Variants in POLD3 observed in about 807,000 individuals in gnomAD.
POLD3 encodes DNA polymerase delta 3, accessory subunit.
A neutral mutation model predicts 58.2 loss-of-function variants in POLD3; 19 were observed. That is an observed-to-expected ratio of 0.33 (90% CI 0.23 to 0.48). The LOEUF is 0.48. POLD3 is among the 20% of genes least tolerant of loss of function. The probability of loss-of-function intolerance (pLI) is 0.99; values close to 1 mark genes in which losing one functional copy is unlikely to be tolerated. For missense variants in POLD3, 504 were observed against 545.5 expected (o/e 0.92, Z 0.76); for synonymous variants, 172 against 193.5 (o/e 0.89, Z 0.92).
chr11:74,626,450 T>C (rs1201560037), intron 8 of POLD3, among the ~76,000 whole-genome samples: 1 of 152,076 alleles, frequency 6.6e-6, no homozygotes, highest in South Asian at 2.1e-4. Context: ...TTATCATGAG[T>C]GGGTATTGAT....
chr11:74,593,298 C>G (rs2135105723), intron 1 of POLD3, among the ~76,000 whole-genome samples: 1 of 152,304 alleles, frequency 6.6e-6, no homozygotes, highest in East Asian at 1.9e-4. Context: ...CGCACCCCAT[C>G]CCAGGTCGGT....
rs538683837 is a variant in POLD3, at chr11:74,625,626, G to T, written c.899+53G>T. On this transcript the variant is annotated intron_variant, in intron 8 of 11. Coordinates refer to ENST00000263681, the MANE Select transcript of POLD3 (RefSeq NM_006591.3). ...AAGAGTCTTTACTGGGGGTGAGAAG[G>T]TCTCTTTGGGCTTATTGACAGCAGG... 1.0e-5 allele frequency: 15 copies of T among 1,468,904 alleles called. No individual in the cohort carries two copies. In the African/African-American group the frequency reaches 2.0e-4, roughly 19 times the overall value. The allele number at this position is 1,468,904 out of a possible 1,614,324, so 91.0% of individuals were successfully genotyped here.
At chr11:74,651,688 A>G (rs981678509) in intron 4 of POLD3, among the ~76,000 whole-genome samples, 1 of 152,170 alleles carries the variant, frequency 6.6e-6, no homozygotes, top group Non-Finnish European at 1.5e-5. Context: ...ATGGTACAGT[A>G]TTTCAGGGAG....
At chr11:74,621,587 T>C (rs529172601) in intron 7 of POLD3, among the ~76,000 whole-genome samples, 30 of 152,286 alleles carry the variant, frequency 2.0e-4, no homozygotes, top group African/African-American at 6.5e-4. Flanking sequence ...TTAAATCATG[T>C]GTTTAGTTAG....
chr11:74,615,492 A>T (rs1591301735), intron 5 of POLD3, among the ~76,000 whole-genome samples: 1 of 152,320 alleles, frequency 6.6e-6, no homozygotes. Context: ...TTTTCAGTGG[A>T]GTGACCAGAT....
At chr11:74,656,349 G>A (rs1310344727) in intron 4 of POLD3, among the ~76,000 whole-genome samples, 1 of 152,162 alleles carries the variant, frequency 6.6e-6, no homozygotes, top group Non-Finnish European at 1.5e-5. Flanking sequence ...GCCACTTTGG[G>A]AGGCTGAGGC....
intron 5 of POLD3, among the ~76,000 whole-genome samples, chr11:74,614,876 A>C (rs569191632): frequency 2.5e-4 from 38 of 152,204 alleles, no homozygotes; most frequent in African/African-American, 7.7e-4. Flanking sequence ...AGGCTTTAGG[A>C]GAGATAGAAA....
At position 74,611,482 on chromosome 11, in the gene POLD3, G is replaced by A. The variant is rs776246083; in HGVS notation, c.220-17G>A. 11 of 1,486,462 alleles carry A rather than the reference G, an allele frequency of 7.4e-6. No individual in the cohort carries two copies. In the South Asian group the frequency reaches 1.3e-4, roughly 17 times the overall value. 92.1% of individuals were successfully genotyped at this position (1,486,462 alleles called of 1,614,324 possible). ...GATTCTTACATTAAGCACTAATAAA[G>A]TGTTATTTTCTTACAGTGCCACAAG... On this transcript the variant is annotated splice_polypyrimidine_tract_variant and intron_variant, in intron 3 of 11. Transcript: ENST00000263681.
intron 3 of POLD3, among the ~76,000 whole-genome samples, chr11:74,605,957 G>A (rs956481441): frequency 9.9e-5 from 15 of 152,088 alleles, no homozygotes; most frequent in African/African-American, 3.4e-4. Flanking sequence ...GGTGGCATGC[G>A]CCTGTAGTCC....
intron 7 of POLD3, among the ~76,000 whole-genome samples, chr11:74,624,254 A>G (rs2032359844): frequency 6.6e-6 from 1 of 152,140 alleles, no homozygotes; most frequent in Non-Finnish European, 1.5e-5. Flanking sequence ...ACAATTTGGG[A>G]TATTTGAGAG....
chr11:74,595,714 C>A (rs2031220940), intron 2 of POLD3, among the ~76,000 whole-genome samples: 1 of 152,134 alleles, frequency 6.6e-6, no homozygotes, highest in South Asian at 2.1e-4. Context: ...CTTCCCTGGG[C>A]TCAGGTGATT....
chr11:74,605,400 A>G (rs1591292786), intron 3 of POLD3, among the ~76,000 whole-genome samples: 1 of 151,702 alleles, frequency 6.6e-6, no homozygotes, highest in Non-Finnish European at 1.5e-5. Flanking sequence ...TCTCTTAACT[A>G]TTTTCATGTC....
intron 4 of POLD3, among the ~76,000 whole-genome samples, chr11:74,653,333 A>ACACG: frequency 6.6e-6 from 1 of 151,812 alleles, no homozygotes; most frequent in Middle Eastern, 3.4e-3. Flanking sequence ...ACACACACAC[A>ACACG]TAGTGTGGTC....
chr11:74,606,423 A>G (rs1405051151), intron 3 of POLD3, among the ~76,000 whole-genome samples: 3 of 152,152 alleles, frequency 2.0e-5, no homozygotes, highest in Non-Finnish European at 4.4e-5. Context: ...AGTACCCTCA[A>G]TCTAGTCATA....
chr11:74,609,791 CAG>C (rs1478081106), intron 3 of POLD3, among the ~76,000 whole-genome samples: 3 of 152,212 alleles, frequency 2.0e-5, no homozygotes, highest in Non-Finnish European at 4.4e-5. Flanking sequence ...TTTTACATAA[CAG>C]ATTCAGAGCA....
chr11:74,617,981 A>G (rs2032131540), intron 5 of POLD3, among the ~76,000 whole-genome samples: 1 of 152,124 alleles, frequency 6.6e-6, no homozygotes, highest in Non-Finnish European at 1.5e-5. Flanking sequence ...AGGTTCCCAA[A>G]CCGCTGGGAT....
intron 3 of POLD3, among the ~76,000 whole-genome samples, chr11:74,609,960 A>G (rs962757501): frequency 6.6e-6 from 1 of 152,134 alleles, no homozygotes; most frequent in Non-Finnish European, 1.5e-5. Context: ...TGTAGTGAAT[A>G]GCTTAGTGTC....
chr11:74,665,391 A>ATTTTTTT lies in POLD3; in HGVS notation c.370-3369_370-3363dup, dbSNP rs1202426924. 1.3e-3 allele frequency among the ~76,000 whole-genome samples: 112 copies of ATTTTTTT among 83,320 alleles called. 3 individuals carry two copies. Among genetic ancestry groups the ATTTTTTT allele is most frequent in the African/African-American group, 5.5e-3 (109 of 19,970 alleles). 54.7% of individuals were successfully genotyped at this position (83,320 alleles called of 152,430 possible). A position where few individuals can be genotyped will look rare whatever the true frequency, so the allele number is the denominator to read the frequency against. ...TGACAAAATCTAGCACCCTTTTATA[A>ATTTTTTT]TTTTTTTTTTTTTTTTTTTTTTTGA... On this transcript the variant is annotated intron_variant, in intron 4 of 4. Coordinates refer to the POLD3 transcript ENST00000524752.
rs72979224 is a variant in POLD3, at chr11:74,639,707, G to T, written c.1199-857G>T. Among the ~76,000 whole-genome samples the T allele has an allele frequency of 6.9e-3, 1,046 of 152,320 alleles. 5 individuals are homozygous for T. The highest frequency in any genetic ancestry group is 0.012 in the Non-Finnish European group (821 of 68,024). Reference sequence around the variant, plus strand: ...GCCACTATCTGTGCCTGTGTCCTTTGGGGCTTGCTCATAATGACTGCTTAC... The same window carrying T: ...GCCACTATCTGTGCCTGTGTCCTTTTGGGCTTGCTCATAATGACTGCTTAC... On this transcript the variant is annotated intron_variant, in intron 11 of 11. Coordinates refer to ENST00000263681, the MANE Select transcript of POLD3 (RefSeq NM_006591.3).
Sources: gnomAD v4.1 joint callset for allele counts (sites outside exome capture counted in the v4.1 genomes callset) on GRCh38, gnomAD v4.1.1 for gene constraint, MANE v1.5 for transcripts, NCBI Gene and HGNC (gene_info 2026-07-23, HGNC 2026-07-21) for gene names.